Variants in PHACTR4 observed in about 807,000 individuals in gnomAD.
The protein encoded by PHACTR4 is phosphatase and actin regulator 4.
Under a neutral mutation model 72.7 loss-of-function variants are expected in PHACTR4, and 51 were observed. That is an observed-to-expected ratio of 0.70 (90% confidence interval 0.56 to 0.89). The LOEUF (loss-of-function observed/expected upper bound fraction) is 0.89, where lower values mean the gene tolerates loss of function less well. Among genes scored for constraint, PHACTR4 ranks in the 40% least tolerant of loss-of-function variants. The pLI is 0.00. For synonymous variants in PHACTR4, 255 were observed against 302.5 expected, an observed-to-expected ratio of 0.84 and a Z score of 1.63; for missense variants, 731 against 861.8, an observed-to-expected ratio of 0.85 and a Z score of 1.90.
At chr1:28,466,966 G>C (rs1052054920) in intron 6 of PHACTR4, 198 bp downstream of exon 6, 2 of 694,332 alleles carry the variant, frequency 2.9e-6, no homozygotes, top group Non-Finnish European at 4.5e-6. Flanking sequence ...TGTAATCCCA[G>C]CACTTTGGGA....
chr1:28,453,881 A>G, intron 2 of PHACTR4: 1 of 851,000 alleles, frequency 1.2e-6, no homozygotes, highest in Non-Finnish European at 1.9e-6. Flanking sequence ...GATCAGGACC[A>G]AAAGAAGAGG....
intron 1 of PHACTR4, among the ~76,000 whole-genome samples, chr1:28,382,485 A>G (rs540162749): frequency 2.0e-4 from 30 of 151,310 alleles, no homozygotes; most frequent in African/African-American, 7.3e-4. Context: ...TTGTATGTTT[A>G]GTAGAGACAA....
intron 2 of PHACTR4, among the ~76,000 whole-genome samples, chr1:28,413,707 C>T (rs1297907481): frequency 2.6e-5 from 4 of 152,020 alleles, no homozygotes; most frequent in South Asian, 4.2e-4. Context: ...ATTTTCCTTG[C>T]CCTGCATAGT....
At chr1:28,467,694 T>G (rs905253882) in intron 6 of PHACTR4, among the ~76,000 whole-genome samples, 9 of 152,288 alleles carry the variant, frequency 5.9e-5, no homozygotes, top group African/African-American at 2.2e-4. Context: ...TTACTTAAAT[T>G]GTTCTGATAA....
chr1:28,375,971 A>C (rs1186830878), intron 1 of PHACTR4, among the ~76,000 whole-genome samples: 1 of 152,098 alleles, frequency 6.6e-6, no homozygotes, highest in Non-Finnish European at 1.5e-5. Context: ...TGGGAGGCTG[A>C]GGCAGGAGAA....
rs1479248440 is a variant in PHACTR4 at position 28,497,297 on chromosome 1, A to G, written c.*748A>G. On this transcript the variant is annotated 3_prime_UTR_variant, in exon 14 of 14. Transcript: ENST00000373839. ...GCCAGGCGCGGTGGCTCACGCCTGT[A>G]ATCCCAGCACTTTGGGAGGCCGAGG... 2 of 152,176 alleles carry G rather than the reference A, an allele frequency of 1.3e-5. No individual in the cohort carries two copies. Among genetic ancestry groups the G allele is most frequent in the Admixed American group, 1.3e-4 (2 of 15,260 alleles). 9.4% of individuals were successfully genotyped at this position (152,176 alleles called of 1,614,324 possible).
intron 2 of PHACTR4, among the ~76,000 whole-genome samples, chr1:28,442,625 T>C (rs1295659482): frequency 1.3e-5 from 2 of 151,472 alleles, no homozygotes; most frequent in Non-Finnish European, 2.9e-5. Context: ...TCCTGTCTCA[T>C]CCTCCCGAGT....
chr1:28,464,218 G>A (rs1279736729), intron 4 of PHACTR4, among the ~76,000 whole-genome samples: 2 of 151,786 alleles, frequency 1.3e-5, no homozygotes, highest in African/African-American at 4.8e-5. Flanking sequence ...CACCCGCCTC[G>A]GCCTCCCAGA....
chr1:28,399,341 T>G (rs2124239682), intron 1 of PHACTR4, among the ~76,000 whole-genome samples: 1 of 152,232 alleles, frequency 6.6e-6, no homozygotes, highest in South Asian at 2.1e-4. Context: ...AATAATTTTG[T>G]GTTGATGAAA....
chr1:28,378,569 GC>G (rs71027274), intron 1 of PHACTR4, among the ~76,000 whole-genome samples: 16,856 of 63,448 alleles, frequency 0.27, 859 homozygotes, highest in Non-Finnish European at 0.31. Context: ...TCTCCCCCCA[GC>G]CCCCCCCCCC....
At chr1:28,463,897 G>A (rs1419498320) in intron 4 of PHACTR4, among the ~76,000 whole-genome samples, 1 of 151,832 alleles carries the variant, frequency 6.6e-6, no homozygotes, top group Non-Finnish European at 1.5e-5. Flanking sequence ...CACCCAGCTA[G>A]TTTTTTTACT....
In PHACTR4 at chr1:28,497,046, G is replaced by C. The variant is rs531866417; in HGVS notation, c.*497G>C. 58 of 187,718 alleles carry C rather than the reference G, an allele frequency of 3.1e-4. No homozygotes were observed. The highest frequency in any genetic ancestry group is 5.3e-4 in the Non-Finnish European group (48 of 90,364). The allele number at this position is 187,718 out of a possible 1,614,324, so 11.6% of individuals were successfully genotyped here. ...AAAAGAGTCTCTACCTCCAGGGAAA[G>C]CCTTCTTACCACACTGGCATATCAG... On this transcript the variant is annotated 3_prime_UTR_variant, in exon 14 of 14. Coordinates refer to ENST00000373839, the MANE Select transcript of PHACTR4 (RefSeq NM_001048183.3).
At chr1:28,487,517 A>AC (rs1486195886) in intron 9 of PHACTR4, among the ~76,000 whole-genome samples, 3 of 129,962 alleles carry the variant, frequency 2.3e-5, no homozygotes, top group African/African-American at 9.7e-5. Flanking sequence ...TGACACACAC[A>AC]CAAAAAAAAA....
chr1:28,385,907 GC>G (rs1652530924), intron 1 of PHACTR4, among the ~76,000 whole-genome samples: 2 of 151,956 alleles, frequency 1.3e-5, no homozygotes, highest in Admixed American at 1.3e-4. Flanking sequence ...AAGCCACCAC[GC>G]CCGGCTGGTT....
At chr1:28,390,719 AG>A (rs1316668748) in intron 1 of PHACTR4, among the ~76,000 whole-genome samples, 1 of 151,852 alleles carries the variant, frequency 6.6e-6, no homozygotes, top group African/African-American at 2.4e-5. Context: ...CTTGAACCCC[AG>A]GGGTGGAGGT....
intron 2 of PHACTR4, chr1:28,453,778 T>C (rs2124451434): frequency 4.2e-6 from 4 of 943,930 alleles, no homozygotes; most frequent in East Asian, 2.6e-5. Context: ...GTTTCAGCAG[T>C]TATCCACATT....
chr1:28,457,387 G>A, intron 2 of PHACTR4: 1 of 407,604 alleles, frequency 2.5e-6, no homozygotes. Context: ...CTTGAGACCA[G>A]GCATTTGAGA....
chr1:28,389,949 G>A (rs1019195548), intron 1 of PHACTR4, among the ~76,000 whole-genome samples: 1 of 152,132 alleles, frequency 6.6e-6, no homozygotes, highest in African/African-American at 2.4e-5. Context: ...CAAGAGCCAA[G>A]ATACAGAATC....
intron 9 of PHACTR4, among the ~76,000 whole-genome samples, chr1:28,483,527 C>A (rs1570097002): frequency 6.6e-6 from 1 of 151,940 alleles, no homozygotes; most frequent in Non-Finnish European, 1.5e-5. Flanking sequence ...CATGGCCGGA[C>A]GCGGTGGCTC....
Sources: allele counts gnomAD v4.1 joint callset (sites outside exome capture counted in the v4.1 genomes callset), GRCh38; gene constraint gnomAD v4.1.1; transcripts MANE v1.5; gene names NCBI Gene and HGNC (gene_info 2026-07-23, HGNC 2026-07-21).